LOXHD1: variants seen among roughly 807,000 people sequenced by gnomAD.
LOXHD1 encodes the protein lipoxygenase homology domain-containing protein 1.
A neutral mutation model predicts 248.2 loss-of-function variants in LOXHD1; 205 were observed. The observed-to-expected ratio is 0.83, with a 90% CI of 0.74 to 0.93. The LOEUF is 0.93. LOXHD1 is among the 40% of genes least tolerant of loss of function. The probability of loss-of-function intolerance (pLI) is 0.00; values close to 1 mark genes in which losing one functional copy is unlikely to be tolerated. For missense variants in LOXHD1, 2,930 were observed against 2,971.6 expected (o/e 0.99, Z 0.33); for synonymous variants, 1,113 against 1,162.8 (o/e 0.96, Z 0.87).
chr18:46,581,063 A>C (rs140098011), intron 12 of LOXHD1, among the ~76,000 whole-genome samples: 46 of 152,266 alleles, frequency 3.0e-4, no homozygotes, highest in Non-Finnish European at 5.6e-4. Flanking sequence ...GGCTTCAAGC[A>C]AGGAAGTAAC....
chr18:46,509,863 G>A (rs2034849635), intron 34 of LOXHD1, 48 bp from the exon 35 acceptor site: 2 of 1,025,350 alleles, frequency 2.0e-6, no homozygotes, highest in African/African-American at 1.6e-5. Flanking sequence ...GGCCATTGGG[G>A]AGGGTTGGGG....
intron 12 of LOXHD1, among the ~76,000 whole-genome samples, chr18:46,584,698 G>A (rs77986929): frequency 0.054 from 8,135 of 152,044 alleles, 263 homozygotes; most frequent in Non-Finnish European, 0.079. Context: ...GAAGAGGAGG[G>A]AACATTTCCC....
intron 32 of LOXHD1, 67 bp from the exon 33 acceptor site, chr18:46,521,349 GC>G (rs2035572087): frequency 6.6e-7 from 1 of 1,516,714 alleles, no homozygotes; most frequent in Non-Finnish European, 8.9e-7. Flanking sequence ...TCCCTGCCCA[GC>G]CCCCTCCCTC....
At position 46,654,371 on chromosome 18, in the gene LOXHD1, C is replaced by G. The variant is rs116295381; in HGVS notation, c.130+2533G>C. ...TTGCATCCCAACAGATGCTGGGGGA[C>G]TCCTGTCTAGGATGCAGGAGAGGAG... On this transcript the variant is annotated intron_variant, in intron 1 of 40. Transcript: ENST00000642948. Among the ~76,000 whole-genome samples, 1,072 of 152,354 alleles carry G rather than the reference C, an allele frequency of 7.0e-3. 15 individuals carry two copies. Among genetic ancestry groups the G allele is most frequent in the African/African-American group, 0.025 (1,019 of 41,580 alleles).
Position 46,593,557 on chromosome 18 carries a change from C to A in LOXHD1, c.1431+43G>T, listed in dbSNP as rs948193823. 6 of 1,547,458 alleles carry A rather than the reference C, an allele frequency of 3.9e-6. No individual in the cohort carries two copies. In the African/African-American group the frequency reaches 8.2e-5, roughly 21 times the overall value. On this transcript the variant is annotated intron_variant, in intron 10 of 40. Transcript: ENST00000642948. ...ATCCCCAGGACGAATGCCCTACATC[C>A]CTTCCTCCTTTCTCCCTCCCATCCA...
chr18:46,538,382 C>G, intron 25 of LOXHD1, 45 bp from the exon 26 acceptor site: 1 of 1,520,198 alleles, frequency 6.6e-7, no homozygotes, highest in Non-Finnish European at 8.9e-7. Flanking sequence ...GATGAGAGAA[C>G]AGAAAACAAA....
At chr18:46,545,652 C>T (rs1340557344) in intron 22 of LOXHD1, among the ~76,000 whole-genome samples, 4 of 50,084 alleles carry the variant, frequency 8.0e-5, no homozygotes, top group South Asian at 6.4e-4. Flanking sequence ...TTTTTTGAGA[C>T]GGAGTCTCGC....
intron 34 of LOXHD1, among the ~76,000 whole-genome samples, chr18:46,517,813 A>T (rs1260500353): frequency 6.6e-6 from 1 of 152,236 alleles, no homozygotes; most frequent in Non-Finnish European, 1.5e-5. Flanking sequence ...AGTACAGTTA[A>T]TGAAACCAAG....
rs533049313 is a variant in LOXHD1, at chr18:46,611,648, G to A, written c.611-724C>T. Among the ~76,000 whole-genome samples, 4 of 152,022 alleles carry A rather than the reference G, an allele frequency of 2.6e-5. No individual in the cohort carries two copies. In the East Asian group the frequency reaches 7.7e-4, roughly 29 times the overall value. ...TCTTTTTAATTTTTTTTAAATTTTA[G>A]GTTGTGACAGTTCAAACATACAGAA... On this transcript the variant is annotated intron_variant, in intron 5 of 40. Coordinates refer to ENST00000642948, the MANE Select transcript of LOXHD1 (RefSeq NM_001384474.1).
chr18:46,605,387 C>T (rs1422716723), intron 6 of LOXHD1, among the ~76,000 whole-genome samples: 4 of 151,160 alleles, frequency 2.6e-5, no homozygotes, highest in South Asian at 2.1e-4. Flanking sequence ...ATTGGCCAGG[C>T]GTGGTGGCGG....
chr18:46,505,919 T>C lies in LOXHD1; in HGVS notation c.5797A>G (p.Asn1933Asp). 2.6e-6 allele frequency: 4 copies of C among 1,551,980 alleles called. No individual in the cohort carries two copies. The highest frequency in any genetic ancestry group is 3.5e-6 in the Non-Finnish European group (4 of 1,147,068). ...QSANWNKFERNNTDTFNFPDM... is the reference protein window; with the variant it reads ...QSANWNKFERDNTDTFNFPDM... The stretch of plus-strand genomic sequence containing the variant: ...GGGAAGTTGAATGTGTCCGTGTTGT[T>C]CCGCTCAAACTTGTTCCAGTTTGCC... The change falls in exon 37 of 41, where the codon AAC becomes GAC. Residue 1933 changes from asparagine (N) to aspartate (D), a missense_variant. By Grantham distance (23) the Asn-to-Asp change is conservative (BLOSUM62 1). Transcript: ENST00000642948.
At chr18:46,560,846 A>G (rs1398864590) in intron 18 of LOXHD1, among the ~76,000 whole-genome samples, 3 of 141,306 alleles carry the variant, frequency 2.1e-5, no homozygotes, top group East Asian at 2.0e-4. Context: ...ATACACACAC[A>G]CACGCACGCG....
intron 5 of LOXHD1, among the ~76,000 whole-genome samples, chr18:46,616,760 C>T (rs959511802): frequency 5.9e-5 from 9 of 152,174 alleles, no homozygotes; most frequent in African/African-American, 1.9e-4. Flanking sequence ...TATATCCTTG[C>T]TTAGAATAGT....
intron 23 of LOXHD1, among the ~76,000 whole-genome samples, chr18:46,543,425 T>A (rs9945193): frequency 0.19 from 28,235 of 151,520 alleles, 2,807 homozygotes; most frequent in African/African-American, 0.24. Context: ...TTAAAAAAAA[T>A]TTTTTATTAC....
chr18:46,564,732 A>T lies in LOXHD1; in HGVS notation c.2438-1507T>A, dbSNP rs114637653. Among the ~76,000 whole-genome samples the T allele has an allele frequency of 5.7e-3, 868 of 152,122 alleles. 11 individuals are homozygous for T. Among genetic ancestry groups the T allele is most frequent in the African/African-American group, 0.019 (800 of 41,470 alleles). ...ATCTATACTACTCTGATGGAATTCCAGTGTTGATTTATAAAATGAGGGAAG... is the reference window on the plus strand; with the variant it reads ...ATCTATACTACTCTGATGGAATTCCTGTGTTGATTTATAAAATGAGGGAAG... On this transcript the variant is annotated intron_variant, in intron 17 of 40. Coordinates refer to ENST00000642948, the MANE Select transcript of LOXHD1 (RefSeq NM_001384474.1).
intron 4 of LOXHD1, among the ~76,000 whole-genome samples, chr18:46,632,140 C>T (rs1359183864): frequency 1.3e-5 from 2 of 152,128 alleles, no homozygotes; most frequent in Admixed American, 6.5e-5. Context: ...CGCTACTTCT[C>T]GGAGTTTTAA....
chr18:46,517,268 C>A (rs1260455502), intron 34 of LOXHD1, among the ~76,000 whole-genome samples: 2 of 152,040 alleles, frequency 1.3e-5, no homozygotes, highest in Non-Finnish European at 1.5e-5. Flanking sequence ...AGGACAGGGA[C>A]AATGAGTACT....
At chr18:46,568,946 C>G (rs2037696377) in intron 16 of LOXHD1, among the ~76,000 whole-genome samples, 1 of 152,194 alleles carries the variant, frequency 6.6e-6, no homozygotes, top group South Asian at 2.1e-4. Context: ...TGGGTTCCAT[C>G]TCCCAAGACA....
chr18:46,605,336 C>T (rs2038396734), intron 6 of LOXHD1, among the ~76,000 whole-genome samples: 2 of 152,154 alleles, frequency 1.3e-5, no homozygotes, highest in African/African-American at 4.8e-5. Context: ...ACCATCCTGG[C>T]TAACATAGTG....
Sources: gnomAD v4.1 joint callset for allele counts (sites outside exome capture counted in the v4.1 genomes callset) on GRCh38, gnomAD v4.1.1 for gene constraint, MANE v1.5 for transcripts, NCBI Gene and HGNC (gene_info 2026-07-23, HGNC 2026-07-21) for gene names.